ZNF521: variants seen among roughly 807,000 people sequenced by gnomAD.
ZNF521 encodes zinc finger protein 521.
A neutral mutation model predicts 105.5 loss-of-function variants in ZNF521; 14 were observed. The ratio of observed to expected loss-of-function variants is 0.13; its 90% CI spans 0.09 to 0.21. The LOEUF is 0.21. ZNF521 is among the 10% of genes least tolerant of loss of function. The pLI is 1.00. For missense variants in ZNF521, 1,233 were observed against 1,629.7 expected (o/e 0.76, Z 4.19); for synonymous variants, 635 against 606.0 (o/e 1.05, Z -0.70).
At chr18:25,175,611 T>C (rs191155057) in intron 5 of ZNF521, among the ~76,000 whole-genome samples, 10 of 152,276 alleles carry the variant, frequency 6.6e-5, no homozygotes, top group Admixed American at 3.9e-4. Context: ...AGCATAAATA[T>C]TGGTTGAGTT....
chr18:25,182,882 G>A (rs1326078301), intron 5 of ZNF521, among the ~76,000 whole-genome samples: 1 of 152,022 alleles, frequency 6.6e-6, no homozygotes, highest in African/African-American at 2.4e-5. Context: ...TAATTATACT[G>A]ATAAGCATGG....
intron 5 of ZNF521, among the ~76,000 whole-genome samples, chr18:25,116,127 G>A (rs1304762867): frequency 6.6e-6 from 1 of 152,160 alleles, no homozygotes; most frequent in Non-Finnish European, 1.5e-5. Context: ...TGGCACTGGA[G>A]CACTGTAGAA....
intron 3 of ZNF521, among the ~76,000 whole-genome samples, chr18:25,286,947 T>G (rs140911898): frequency 1.3e-5 from 2 of 152,338 alleles, no homozygotes; most frequent in Non-Finnish European, 2.9e-5. Flanking sequence ...ATGGGACTTA[T>G]ATTTGCTGAA....
intron 5 of ZNF521, among the ~76,000 whole-genome samples, chr18:25,166,555 C>T (rs745481891): frequency 7.9e-5 from 12 of 152,142 alleles, no homozygotes; most frequent in African/African-American, 1.4e-4. Flanking sequence ...TACCCACTGA[C>T]GTAATAGAAA....
chr18:25,097,697 T>C (rs2033881740), intron 5 of ZNF521, among the ~76,000 whole-genome samples: 1 of 152,140 alleles, frequency 6.6e-6, no homozygotes, highest in African/African-American at 2.4e-5. Flanking sequence ...ACAAAGTGCC[T>C]AACCCTTAGG....
chr18:25,171,944 G>C (rs2035455834), intron 5 of ZNF521, among the ~76,000 whole-genome samples: 1 of 151,846 alleles, frequency 6.6e-6, no homozygotes, highest in South Asian at 2.1e-4. Context: ...GTAATAAACA[G>C]TGTTATATTG....
chr18:25,191,940 A>G (rs1468604558), intron 5 of ZNF521, among the ~76,000 whole-genome samples: 3 of 152,218 alleles, frequency 2.0e-5, no homozygotes, highest in Non-Finnish European at 4.4e-5. Context: ...AAATTAAAGC[A>G]CGTAATACAC....
chr18:25,293,529 T>C (rs556353336), intron 3 of ZNF521, among the ~76,000 whole-genome samples: 35 of 152,216 alleles, frequency 2.3e-4, no homozygotes, highest in Non-Finnish European at 4.6e-4. Flanking sequence ...CTATTGCAGC[T>C]CTTTAGAGAT....
At chr18:25,147,782 G>A (rs2034971841) in intron 5 of ZNF521, among the ~76,000 whole-genome samples, 1 of 152,142 alleles carries the variant, frequency 6.6e-6, no homozygotes, top group African/African-American at 2.4e-5. Context: ...TCCATCTTCA[G>A]ATAACACTCT....
chr18:25,278,009 G>C (rs1190045168), intron 3 of ZNF521, among the ~76,000 whole-genome samples: 1 of 152,134 alleles, frequency 6.6e-6, no homozygotes, highest in Admixed American at 6.5e-5. Flanking sequence ...TCTTCAATCT[G>C]TGTGCAAATT....
chr18:25,284,593 T>A (rs1300934058), intron 3 of ZNF521, among the ~76,000 whole-genome samples: 1 of 151,928 alleles, frequency 6.6e-6, no homozygotes, highest in East Asian at 1.9e-4. Context: ...GTCATAGGCA[T>A]AAAGAAGTCT....
At chr18:25,148,378 TTGGTCACTATGTATTCACATC>T (rs1175802901) in intron 5 of ZNF521, among the ~76,000 whole-genome samples, 1 of 152,188 alleles carries the variant, frequency 6.6e-6, no homozygotes, top group Admixed American at 6.5e-5. Flanking sequence ...TTCAAAGTTT[TTGGTCACTATGTATTCACATC>T]TGTCATCTAT....
chr18:25,350,044 G>C (rs1340129894), intron 2 of ZNF521, among the ~76,000 whole-genome samples: 1 of 151,714 alleles, frequency 6.6e-6, no homozygotes, highest in East Asian at 1.9e-4. Context: ...GGCCGAGGAG[G>C]AGGAGGAGGC....
Position 25,226,574 on chromosome 18 carries a change from T to C in ZNF521, c.1344A>G (p.Ser448=), listed in dbSNP as rs780483090. 16 of 1,614,094 alleles carry C rather than the reference T, an allele frequency of 9.9e-6. No homozygotes were observed. The highest frequency in any genetic ancestry group is 1.7e-5 in the Admixed American group (1 of 60,018). The part of the protein sequence containing the change: ...ICQYCLEVLP[S]LYNLNEHLKQ... ...TAAGATGTTCATTTAGGTTATAGAG[T>C]GAGGGCAGGACCTCCAAGCAATACT... The change falls in exon 4 of 8, where the codon TCA becomes TCG. Residue 448 remains serine (S), a synonymous_variant. Transcript: ENST00000361524. The surrounding 1 kb of genome is among the most constrained non-coding windows in gnomAD (Gnocchi z 4.1).
intron 5 of ZNF521, among the ~76,000 whole-genome samples, chr18:25,100,347 A>G (rs141235538): frequency 6.6e-6 from 1 of 152,262 alleles, no homozygotes; most frequent in Non-Finnish European, 1.5e-5. Flanking sequence ...AAACTAAGTC[A>G]AGCATTTTCA....
At chr18:25,329,693 T>C (rs917173797) in intron 2 of ZNF521, among the ~76,000 whole-genome samples, 2 of 152,066 alleles carry the variant, frequency 1.3e-5, no homozygotes, top group Admixed American at 6.5e-5. Context: ...CTCCTGTGAG[T>C]GTAATGTCCA....
chr18:25,104,141 T>A (rs2034025444), intron 5 of ZNF521, among the ~76,000 whole-genome samples: 1 of 152,192 alleles, frequency 6.6e-6, no homozygotes, highest in Admixed American at 6.5e-5. Context: ...TATAAATATG[T>A]CTGGGGCACA....
chr18:25,256,791 T>C (rs1049721382), intron 3 of ZNF521, among the ~76,000 whole-genome samples: 3 of 150,932 alleles, frequency 2.0e-5, no homozygotes, highest in Non-Finnish European at 2.9e-5. Flanking sequence ...TACAAGTGTG[T>C]GTGCAGCTGA....
Position 25,136,399 on chromosome 18 carries a change from T to C in ZNF521, c.3659-44318A>G, listed in dbSNP as rs779220664. On this transcript the variant is annotated intron_variant, in intron 5 of 7. Coordinates refer to ENST00000361524, the MANE Select transcript of ZNF521 (RefSeq NM_015461.3). ...AGGCTAAGTATTAAAAACACAACAA[T>C]AATAACAACAATAATGTCTAACATG... Among the ~76,000 whole-genome samples the C allele has an allele frequency of 1.1e-4, 17 of 152,150 alleles. No homozygotes were observed. The South Asian group carries it at 1.2e-3, about 11-fold the overall frequency.
Sources: gnomAD v4.1 joint callset for allele counts (sites outside exome capture counted in the v4.1 genomes callset) on GRCh38, gnomAD v4.1.1 for gene constraint, Gnocchi (gnomAD v3.1) non-coding constraint, MANE v1.5 for transcripts, NCBI Gene and HGNC (gene_info 2026-07-23, HGNC 2026-07-21) for gene names.